The following PEBP4 variants were observed in gnomAD, a reference collection of about 807,000 sequenced individuals.
The protein encoded by PEBP4 is phosphatidylethanolamine-binding protein 4.
PEBP4 carries 22 observed loss-of-function variants against 23.9 expected under a neutral mutation model. The observed-to-expected ratio is 0.92, with a 90% CI of 0.66 to 1.31. PEBP4 has a LOEUF of 1.31. Ranked by LOEUF, PEBP4 falls within the 40% of genes most tolerant of loss-of-function variation. The pLI is 0.00. For missense variants in PEBP4, 324 were observed against 281.7 expected (o/e 1.15, Z -1.07); for synonymous variants, 112 against 99.3 (o/e 1.13, Z -0.76).
chr8:22,778,485 A>T (rs939654520), intron 4 of PEBP4, among the ~76,000 whole-genome samples: 1 of 150,618 alleles, frequency 6.6e-6, no homozygotes. Flanking sequence ...CTTGGGTTCG[A>T]GTGATAACTT....
intron 4 of PEBP4, among the ~76,000 whole-genome samples, chr8:22,794,803 T>C (rs1253403519): frequency 6.6e-6 from 1 of 152,120 alleles, no homozygotes; most frequent in Non-Finnish European, 1.5e-5. Flanking sequence ...TTTTCCTATA[T>C]TGAGATCAGA....
intron 6 of PEBP4, among the ~76,000 whole-genome samples, chr8:22,718,611 G>C (rs146964406): frequency 1.2e-3 from 177 of 152,306 alleles, no homozygotes; most frequent in African/African-American, 4.0e-3. Context: ...AGTTCTACCC[G>C]CTCGGCCAGG....
intron 4 of PEBP4, among the ~76,000 whole-genome samples, chr8:22,806,378 A>T (rs1203370050): frequency 1.3e-5 from 2 of 152,176 alleles, no homozygotes; most frequent in African/African-American, 2.4e-5. Flanking sequence ...GCACTTTGGG[A>T]GGCTGAGGCG....
intron 4 of PEBP4, among the ~76,000 whole-genome samples, chr8:22,802,280 G>C (rs1806399601): frequency 6.6e-6 from 1 of 152,162 alleles, no homozygotes; most frequent in African/African-American, 2.4e-5. Flanking sequence ...GGTTGGCAGG[G>C]GAGCCCCAAG....
intron 3 of PEBP4, among the ~76,000 whole-genome samples, chr8:22,912,918 C>T (rs1264087318): frequency 1.3e-5 from 2 of 152,186 alleles, no homozygotes; most frequent in African/African-American, 2.4e-5. Context: ...CACCTGCCTT[C>T]CCACACCTGG....
intron 3 of PEBP4, among the ~76,000 whole-genome samples, chr8:22,874,212 G>T (rs1467776577): frequency 6.6e-6 from 1 of 152,112 alleles, no homozygotes; most frequent in African/African-American, 2.4e-5. Context: ...AGTGGAAAGG[G>T]AAAGAAGTGG....
intron 3 of PEBP4, among the ~76,000 whole-genome samples, chr8:22,827,662 C>T (rs941895531): frequency 6.6e-6 from 1 of 152,214 alleles, no homozygotes; most frequent in African/African-American, 2.4e-5. Context: ...TTTATTTCCA[C>T]TTTGGCTATT....
chr8:22,744,427 C>G (rs941273041), intron 4 of PEBP4, among the ~76,000 whole-genome samples: 16 of 152,350 alleles, frequency 1.1e-4, no homozygotes, highest in South Asian at 2.1e-4. Context: ...GAAAAAGACT[C>G]ATGTATGAGT....
intron 3 of PEBP4, among the ~76,000 whole-genome samples, chr8:22,847,025 A>AG (rs34826642): frequency 6.6e-6 from 1 of 152,310 alleles, no homozygotes; most frequent in African/African-American, 2.4e-5. Flanking sequence ...ATAAAAAAAA[A>AG]GGGGATCCTG....
chr8:22,911,718 G>A (rs557730942), intron 3 of PEBP4, among the ~76,000 whole-genome samples: 1 of 152,080 alleles, frequency 6.6e-6, no homozygotes, highest in South Asian at 2.1e-4. Context: ...CCAACATACC[G>A]CTGTGAACAG....
At chr8:22,901,247 G>A (rs1808703946) in intron 3 of PEBP4, among the ~76,000 whole-genome samples, 1 of 152,222 alleles carries the variant, frequency 6.6e-6, no homozygotes, top group South Asian at 2.1e-4. Flanking sequence ...CTGAAGACTT[G>A]TAGGCAGCAA....
At chr8:22,928,508 A>G (rs2466228), upstream of PEBP4, among the ~76,000 whole-genome samples, 60,642 of 152,096 alleles carry the variant, frequency 0.4, 12,793 homozygotes, top group East Asian at 0.56. Flanking sequence ...CTGCCCCAGC[A>G]GTGCACTGGG....
At chr8:22,791,453 A>C (rs1198531320) in intron 4 of PEBP4, among the ~76,000 whole-genome samples, 1 of 151,718 alleles carries the variant, frequency 6.6e-6, no homozygotes, top group African/African-American at 2.4e-5. Context: ...ACACCATCCA[A>C]ATTCTATTTT....
intron 4 of PEBP4, among the ~76,000 whole-genome samples, chr8:22,731,725 C>G (rs1804740677): frequency 6.6e-6 from 1 of 151,942 alleles, no homozygotes; most frequent in African/African-American, 2.4e-5. Context: ...GTGGCACGAT[C>G]TCGGCTCACT....
chr8:22,854,258 C>A (rs987751817), intron 3 of PEBP4, among the ~76,000 whole-genome samples: 1 of 152,180 alleles, frequency 6.6e-6, no homozygotes, highest in East Asian at 1.9e-4. Context: ...GGAGATGAAA[C>A]CTGACTGGTG....
chr8:22,808,090 C>A (rs1421467625), intron 4 of PEBP4, among the ~76,000 whole-genome samples: 1 of 152,056 alleles, frequency 6.6e-6, no homozygotes, highest in Non-Finnish European at 1.5e-5. Flanking sequence ...CAACCTCTAT[C>A]CATCCATTCA....
intron 3 of PEBP4, among the ~76,000 whole-genome samples, chr8:22,890,694 A>C (rs533667320): frequency 1.5e-3 from 227 of 152,294 alleles, no homozygotes; most frequent in African/African-American, 5.2e-3. Flanking sequence ...TGGCGCACAG[A>C]GTTTGGAATT....
chr8:22,733,559 C>A (rs372220570), intron 4 of PEBP4, among the ~76,000 whole-genome samples: 1 of 152,078 alleles, frequency 6.6e-6, no homozygotes, highest in East Asian at 1.9e-4. Flanking sequence ...CTGTAGGCAG[C>A]GGCCCACCCA....
At chr8:22,823,684 C>CA (rs1159303376) in intron 3 of PEBP4, among the ~76,000 whole-genome samples, 1 of 150,834 alleles carries the variant, frequency 6.6e-6, no homozygotes, top group Non-Finnish European at 1.5e-5. Flanking sequence ...TTTTATATGG[C>CA]AAAAAAAGTC....
Sources: gnomAD v4.1 joint callset for allele counts (sites outside exome capture counted in the v4.1 genomes callset) on GRCh38, gnomAD v4.1.1 for gene constraint, MANE v1.5 for transcripts, NCBI Gene and HGNC (gene_info 2026-07-23, HGNC 2026-07-21) for gene names.